Variants in PSD3 observed in about 807,000 individuals in gnomAD.
PSD3 encodes the protein PH and SEC7 domain-containing protein 3.
A neutral mutation model predicts 105.5 loss-of-function variants in PSD3; 49 were observed. The ratio of observed to expected loss-of-function variants is 0.46; its 90% CI spans 0.37 to 0.59. The LOEUF is 0.59. PSD3 is among the 20% of genes least tolerant of loss of function. The pLI, the probability that PSD3 is intolerant of heterozygous loss-of-function variation, is 0.00. For missense variants in PSD3, 1,561 were observed against 1,263.8 expected, an observed-to-expected ratio of 1.24 and a Z score of -3.57; for synonymous variants, 557 against 457.8, an observed-to-expected ratio of 1.22 and a Z score of -2.77.
At chr8:18,599,507 T>G (rs532053687) in intron 12 of PSD3, among the ~76,000 whole-genome samples, 1 of 152,138 alleles carries the variant, frequency 6.6e-6, no homozygotes, top group African/African-American at 2.4e-5. Context: ...GAACGATGAA[T>G]AAAGAATATG....
chr8:18,997,414 G>C (rs563817547), intron 1 of PSD3, among the ~76,000 whole-genome samples: 1 of 151,868 alleles, frequency 6.6e-6, no homozygotes, highest in Admixed American at 6.6e-5. Context: ...TACCATGGTG[G>C]TCCAAGCCAC....
At chr8:18,566,267 G>C (rs750632952) in intron 14 of PSD3, among the ~76,000 whole-genome samples, 2 of 152,184 alleles carry the variant, frequency 1.3e-5, no homozygotes, top group South Asian at 2.1e-4. Context: ...GCTCACGCCT[G>C]TAATTCCAGC....
At position 18,572,683 on chromosome 8, in the gene PSD3, T is replaced by C. The variant is rs372809018; in HGVS notation, c.2640-11A>G. On this transcript the variant is annotated splice_polypyrimidine_tract_variant and intron_variant, in intron 13 of 15. Coordinates refer to ENST00000327040, the MANE Select transcript of PSD3 (RefSeq NM_015310.4). ...ATTTCCTCTGGGCTCCTATGAGAAA[T>C]AGATATGTTTATATCAGGATATTGC... The C allele has an allele frequency of 4.2e-4, 680 of 1,613,202 alleles. 1 individual carries two copies. The highest frequency in any genetic ancestry group is 5.4e-4 in the Non-Finnish European group (633 of 1,179,354).
At chr8:19,073,768 C>G (rs939259837) in intron 1 of PSD3, among the ~76,000 whole-genome samples, 2 of 150,290 alleles carry the variant, frequency 1.3e-5, no homozygotes, top group Non-Finnish European at 3.0e-5. Flanking sequence ...ATTTGCTATT[C>G]AAACATCAGA....
chr8:18,748,772 T>C (rs780892327), intron 9 of PSD3, among the ~76,000 whole-genome samples: 3 of 151,238 alleles, frequency 2.0e-5, no homozygotes, highest in South Asian at 4.2e-4. Flanking sequence ...CATGACCTCA[T>C]CATCTCTCCA....
In PSD3 at chr8:18,539,574, A is replaced by C. The variant is rs369859393; in HGVS notation, c.2929-3616T>G. Among the ~76,000 whole-genome samples the C allele has an allele frequency of 1.6e-4, 22 of 140,288 alleles. No individual in the cohort carries two copies. In the East Asian group the frequency reaches 4.6e-3, roughly 29 times the overall value. 92.0% of individuals were successfully genotyped at this position (140,288 alleles called of 152,430 possible). On this transcript the variant is annotated intron_variant, in intron 15 of 15. Transcript: ENST00000327040. ...TTTTTTTTTTTTTTTTTTGAGACGG[A>C]GTCTTGCTCTGTCTCCAGGCTGGAG... is the stretch of plus-strand genomic sequence containing the variant.
chr8:18,755,699 G>A (rs565694772), intron 9 of PSD3, among the ~76,000 whole-genome samples: 1 of 149,964 alleles, frequency 6.7e-6, no homozygotes, highest in Non-Finnish European at 1.5e-5. Flanking sequence ...AAATCTGTTT[G>A]TACTCTTAAG....
chr8:18,867,114 C>T lies in PSD3; in HGVS notation c.1634+560G>A, dbSNP rs146476957. Among the ~76,000 whole-genome samples, 9 of 152,240 alleles carry T rather than the reference C, an allele frequency of 5.9e-5. No individual in the cohort carries two copies. In the East Asian group the frequency reaches 7.7e-4, roughly 13 times the overall value. On this transcript the variant is annotated intron_variant, in intron 4 of 15. Coordinates refer to ENST00000327040, the MANE Select transcript of PSD3 (RefSeq NM_015310.4). ...CTAAAGTAGAGAGAGAAAATAAATA[C>T]GGAGCCTAGACCAAGATATCAGCTC... is the stretch of plus-strand genomic sequence containing the variant.
intron 1 of PSD3, among the ~76,000 whole-genome samples, chr8:19,057,551 T>C (rs1389491094): frequency 1.3e-5 from 2 of 152,186 alleles, no homozygotes; most frequent in Non-Finnish European, 2.9e-5. Flanking sequence ...TCATACTGGT[T>C]GTAAATAGTT....
intron 1 of PSD3, among the ~76,000 whole-genome samples, chr8:19,065,338 C>T (rs1056905104): frequency 6.6e-6 from 1 of 152,136 alleles, no homozygotes; most frequent in African/African-American, 2.4e-5. Context: ...ACAATCAGCT[C>T]TGCGGTGGAC....
chr8:18,873,561 A>T (rs1817533932), intron 2 of PSD3, among the ~76,000 whole-genome samples: 1 of 152,126 alleles, frequency 6.6e-6, no homozygotes, highest in South Asian at 2.1e-4. Flanking sequence ...CTGTACCTCA[A>T]ATTTTTGGTG....
chr8:18,531,901 C>T lies in PSD3; in HGVS notation c.*3842G>A, dbSNP rs1413393933. 6.6e-6 allele frequency: 1 copy of T among 152,142 alleles called. No homozygotes were observed. The highest frequency in any genetic ancestry group is 6.6e-5 in the Admixed American group (1 of 15,264). 9.4% of individuals were successfully genotyped at this position (152,142 alleles called of 1,614,324 possible). A position where few individuals can be genotyped will look rare whatever the true frequency, so the allele number is the denominator to read the frequency against. ...GGTGGCTCCCAACCTGCTGAAAACT[C>T]GACCAAGTCCACGGGAGTTAAATTA... On this transcript the variant is annotated 3_prime_UTR_variant, in exon 16 of 16. Transcript: ENST00000327040.
chr8:18,602,769 C>G (rs979408587), intron 11 of PSD3, among the ~76,000 whole-genome samples: 1 of 152,128 alleles, frequency 6.6e-6, no homozygotes, highest in Non-Finnish European at 1.5e-5. Flanking sequence ...TGCAACTGCT[C>G]TGATTTGACA....
At chr8:19,001,348 A>G (rs772881690) in intron 1 of PSD3, among the ~76,000 whole-genome samples, 1 of 151,750 alleles carries the variant, frequency 6.6e-6, no homozygotes, top group Non-Finnish European at 1.5e-5. Flanking sequence ...GGTTCACAGT[A>G]AAATTAAGCT....
intron 8 of PSD3, among the ~76,000 whole-genome samples, chr8:18,775,939 G>A (rs1193199348): frequency 6.6e-6 from 1 of 152,014 alleles, no homozygotes; most frequent in Non-Finnish European, 1.5e-5. Flanking sequence ...CCATTGTAGT[G>A]TTTCCCCAAT....
intron 9 of PSD3, among the ~76,000 whole-genome samples, chr8:18,685,248 T>C (rs1800601925): frequency 6.6e-6 from 1 of 152,158 alleles, no homozygotes; most frequent in Non-Finnish European, 1.5e-5. Context: ...ATAATTAATT[T>C]TTTAAAAAAT....
In PSD3 at chr8:18,871,764, G is replaced by C. The variant is rs1817366507; in HGVS notation, c.1100C>G (p.Ala367Gly). 6.2e-7 allele frequency: 1 copy of C among 1,614,070 alleles called. No individual in the cohort carries two copies. Among genetic ancestry groups the C allele is most frequent in the African/African-American group, 1.3e-5 (1 of 74,922 alleles). Residue 367 changes from alanine to glycine, a missense_variant, in exon 3 of 16, where the codon GCT becomes GGT. Transcript: ENST00000327040. The stretch of plus-strand genomic sequence containing the variant: ...GCTAGTGCCAGGCCTCTCTGAAGGA[G>C]CTTTCCAGGATTCATCCCAAACATT... ...TENVWDESWKAPSERPGTSSG... is the reference protein window; with the variant it reads ...TENVWDESWKGPSERPGTSSG...
At chr8:18,841,831 G>T (rs1814650910) in intron 4 of PSD3, among the ~76,000 whole-genome samples, 1 of 152,072 alleles carries the variant, frequency 6.6e-6, no homozygotes, top group African/African-American at 2.4e-5. Context: ...ATGACAAAAT[G>T]AATCTAAACA....
chr8:19,014,432 C>T (rs1460767883), upstream of PSD3: 1 of 152,298 alleles, frequency 6.6e-6, no homozygotes, highest in Non-Finnish European at 1.5e-5. This position sits in a 1 kb window ranked among gnomAD's most constrained non-coding sequence, Gnocchi z 4.9. Flanking sequence ...CATTTTCGAA[C>T]ATTAGTGCCC....
Sources: gnomAD v4.1 joint callset for allele counts (sites outside exome capture counted in the v4.1 genomes callset) on GRCh38, gnomAD v4.1.1 for gene constraint, Gnocchi (gnomAD v3.1) non-coding constraint, MANE v1.5 for transcripts, NCBI Gene and HGNC (gene_info 2026-07-23, HGNC 2026-07-21) for gene names.